The following FBXL7 variants were observed in gnomAD, a reference collection of about 807,000 sequenced individuals.
FBXL7 encodes F-box/LRR-repeat protein 7.
Under a neutral mutation model 38.3 loss-of-function variants are expected in FBXL7, and 12 were observed. The ratio of observed to expected loss-of-function variants is 0.31; its 90% CI spans 0.20 to 0.51. The LOEUF is 0.51. Among genes scored for constraint, FBXL7 ranks in the 20% least tolerant of loss-of-function variants. The pLI is 0.98. For missense variants in FBXL7, 567 were observed against 676.4 expected, an observed-to-expected ratio of 0.84 and a Z score of 1.79; for synonymous variants, 297 against 300.9, an observed-to-expected ratio of 0.99 and a Z score of 0.13.
Position 15,616,044 on chromosome 5 carries a change from A to T in FBXL7, c.99A>T (p.Lys33Asn), listed in dbSNP as rs1561053129. The change falls in exon 2 of 4, where the codon AAA becomes AAT. Residue 33 changes from lysine to asparagine, a missense_variant. By Grantham distance (94) the Lys-to-Asn change is moderately conservative (BLOSUM62 0). Coordinates refer to ENST00000504595, the MANE Select transcript of FBXL7 (RefSeq NM_012304.5). ...VSSSTDHTPT[K>N]AQKNVATSED... Reference sequence around the variant, plus strand: ...CAAGTACAGATCACACGCCCACTAAAGCCCAGAAGAATGTGGCTACCAGCG... The same window carrying T: ...CAAGTACAGATCACACGCCCACTAATGCCCAGAAGAATGTGGCTACCAGCG... The T allele has an allele frequency of 6.2e-7, 1 of 1,613,362 alleles. No individual in the cohort carries two copies. The highest frequency in any genetic ancestry group is 8.5e-7 in the Non-Finnish European group (1 of 1,179,572).
chr5:15,570,607 A>C (rs1738744040), intron 1 of FBXL7, among the ~76,000 whole-genome samples: 1 of 152,164 alleles, frequency 6.6e-6, no homozygotes, highest in South Asian at 2.1e-4. Flanking sequence ...GTGACTGTTC[A>C]GCTCTATGCA....
intron 1 of FBXL7, among the ~76,000 whole-genome samples, chr5:15,501,018 G>A (rs766251567): frequency 1.3e-5 from 2 of 152,164 alleles, no homozygotes; most frequent in South Asian, 2.1e-4. Context: ...TGGGCATCTG[G>A]GGTTTAGGAG....
rs151298909 is a variant in FBXL7 at position 15,906,588 on chromosome 5, C to T, written c.128-21302C>T. ...TGTGCAGATTAGTTACATATGTATA[C>T]ATGTGCCATGCTGGTGCGCTGCACC... On this transcript the variant is annotated intron_variant, in intron 2 of 3. Transcript: ENST00000504595. Among the ~76,000 whole-genome samples, 1,235 of 142,628 alleles carry T rather than the reference C, an allele frequency of 8.7e-3. 31 individuals are homozygous for T. Among genetic ancestry groups the T allele is most frequent in the African/African-American group, 0.032 (1,179 of 37,290 alleles). The allele number at this position is 142,628 out of a possible 152,430, so 93.6% of individuals were successfully genotyped here. A position where few individuals can be genotyped will look rare whatever the true frequency, so the allele number is the denominator to read the frequency against.
chr5:15,771,058 A>G (rs1458543923), intron 2 of FBXL7, among the ~76,000 whole-genome samples: 1 of 152,174 alleles, frequency 6.6e-6, no homozygotes, highest in African/African-American at 2.4e-5. Flanking sequence ...TAGAGTTAGA[A>G]CTAGCTTTCT....
At chr5:15,794,201 C>G (rs1056270367) in intron 2 of FBXL7, among the ~76,000 whole-genome samples, 11 of 152,200 alleles carry the variant, frequency 7.2e-5, no homozygotes, top group South Asian at 2.1e-4. Flanking sequence ...AGACAGTCTA[C>G]TTGTACTCCA....
intron 2 of FBXL7, among the ~76,000 whole-genome samples, chr5:15,707,286 C>T (rs1743718967): frequency 7.2e-6 from 1 of 138,512 alleles, no homozygotes; most frequent in South Asian, 2.4e-4. Flanking sequence ...TGCTGGTTGT[C>T]CATTTTTAAG....
rs141539655 is a variant in FBXL7, at chr5:15,547,899, C to T, written c.37+47186C>T. Among the ~76,000 whole-genome samples the T allele has an allele frequency of 9.7e-4, 147 of 152,260 alleles. 1 individual carries two copies. In the South Asian group the frequency reaches 0.016, roughly 16 times the overall value. On this transcript the variant is annotated intron_variant, in intron 1 of 3. Transcript: ENST00000504595. ...GTCCTTTGCTGGGGGAACTTGAAGT[C>T]GGCAACATGAGTGATACCACCTGCA...
chr5:15,693,212 T>C lies in FBXL7; in HGVS notation c.127+77140T>C, dbSNP rs139792796. Among the ~76,000 whole-genome samples, 12 of 152,252 alleles carry C rather than the reference T, an allele frequency of 7.9e-5. No individual in the cohort carries two copies. The East Asian group carries it at 2.3e-3, about 30-fold the overall frequency. ...GGCCAAAAAGCATCTCCTTATCTCC[T>C]GTGAGCTGTCTGCCTGGAATTTGCA... is the stretch of plus-strand genomic sequence containing the variant. On this transcript the variant is annotated intron_variant, in intron 2 of 3. Coordinates refer to ENST00000504595, the MANE Select transcript of FBXL7 (RefSeq NM_012304.5).
chr5:15,754,707 G>A (rs759970942), intron 2 of FBXL7, among the ~76,000 whole-genome samples: 11 of 152,102 alleles, frequency 7.2e-5, no homozygotes, highest in South Asian at 4.1e-4. Flanking sequence ...ACTGTCCTTC[G>A]GGAATAGTGA....
At chr5:15,623,197 G>C (rs2126530378) in intron 2 of FBXL7, among the ~76,000 whole-genome samples, 1 of 152,298 alleles carries the variant, frequency 6.6e-6, no homozygotes, top group East Asian at 1.9e-4. Flanking sequence ...AGGTTGTTAA[G>C]CCCAAATCCT....
At chr5:15,612,357 A>C (rs146634725) in intron 1 of FBXL7, among the ~76,000 whole-genome samples, 1 of 152,320 alleles carries the variant, frequency 6.6e-6, no homozygotes, top group African/African-American at 2.4e-5. Context: ...TCAATGAAAC[A>C]TATGCACTTA....
intron 2 of FBXL7, among the ~76,000 whole-genome samples, chr5:15,656,629 G>A (rs895227554): frequency 5.9e-5 from 9 of 151,996 alleles, no homozygotes; most frequent in Non-Finnish European, 1.3e-4. Context: ...TACAATTCAA[G>A]ATATGATTTG....
chr5:15,671,038 T>C (rs2126597257), intron 2 of FBXL7, among the ~76,000 whole-genome samples: 1 of 152,220 alleles, frequency 6.6e-6, no homozygotes, highest in East Asian at 1.9e-4. Flanking sequence ...CTTCTTTCAT[T>C]ATTATGTGAG....
At chr5:15,932,345 G>A (rs140864623) in intron 3 of FBXL7, among the ~76,000 whole-genome samples, 371 of 152,276 alleles carry the variant, frequency 2.4e-3, no homozygotes, top group Middle Eastern at 0.014. Flanking sequence ...CTGGAAGTCA[G>A]CAGTTGTTCT....
chr5:15,841,194 G>GT (rs1457146642), intron 2 of FBXL7, among the ~76,000 whole-genome samples: 1 of 151,788 alleles, frequency 6.6e-6, no homozygotes, highest in African/African-American at 2.4e-5. Context: ...TTGCTGGTTG[G>GT]TTTTTTTGGT....
At chr5:15,640,409 A>T (rs1210770401) in intron 2 of FBXL7, among the ~76,000 whole-genome samples, 1 of 152,136 alleles carries the variant, frequency 6.6e-6, no homozygotes, top group Non-Finnish European at 1.5e-5. Flanking sequence ...GACAGCAGTT[A>T]TAGAATTGAG....
At chr5:15,671,450 G>GTT (rs59520625) in intron 2 of FBXL7, among the ~76,000 whole-genome samples, 3 of 147,750 alleles carry the variant, frequency 2.0e-5, no homozygotes, top group South Asian at 2.1e-4. Context: ...AACAATTGGT[G>GTT]TTTTTTTTTT....
At chr5:15,933,748 G>GC (rs1281548790) in intron 3 of FBXL7, among the ~76,000 whole-genome samples, 1 of 152,078 alleles carries the variant, frequency 6.6e-6, no homozygotes. Context: ...TTCCTGGGCA[G>GC]CCTACCAGGA....
At chr5:15,809,330 A>G (rs1235964590) in intron 2 of FBXL7, among the ~76,000 whole-genome samples, 2 of 152,212 alleles carry the variant, frequency 1.3e-5, no homozygotes, top group African/African-American at 4.8e-5. Context: ...TTAGGAAATG[A>G]TCACTGTGGT....
Sources: allele counts gnomAD v4.1 joint callset (sites outside exome capture counted in the v4.1 genomes callset), GRCh38; gene constraint gnomAD v4.1.1; transcripts MANE v1.5; gene names NCBI Gene and HGNC (gene_info 2026-07-23, HGNC 2026-07-21).